The following DCHS2 variants were observed in gnomAD, a reference collection of about 807,000 sequenced individuals.
DCHS2 encodes the protein protocadherin-23.
Under a neutral mutation model 182.4 loss-of-function variants are expected in DCHS2, and 142 were observed. The ratio of observed to expected loss-of-function variants is 0.78; its 90% confidence interval spans 0.68 to 0.89. DCHS2 has a LOEUF of 0.89. DCHS2 is among the 40% of genes least tolerant of loss of function. The probability of loss-of-function intolerance (pLI) is 0.00; values close to 1 mark genes in which losing one functional copy is unlikely to be tolerated. For missense variants in DCHS2, 4,319 were observed against 4,198.6 expected (o/e 1.03, Z -0.79); for synonymous variants, 1,740 against 1,663.3 (o/e 1.05, Z -1.12).
chr4:154,427,868 A>G (rs1733395622), intron 1 of DCHS2, among the ~76,000 whole-genome samples: 1 of 152,248 alleles, frequency 6.6e-6, no homozygotes, highest in South Asian at 2.1e-4. Flanking sequence ...TTTGTCACAT[A>G]GGAATGTTGT....
intron 10 of DCHS2, among the ~76,000 whole-genome samples, chr4:154,309,413 C>T (rs1233693314): frequency 6.6e-6 from 1 of 152,186 alleles, no homozygotes; most frequent in Non-Finnish European, 1.5e-5. Context: ...CAATGCTATT[C>T]AGTCTGTTTT....
Position 154,490,474 on chromosome 4 carries a change from C to G in DCHS2, c.882G>C (p.Pro294=), listed in dbSNP as rs775133855. ...LRVLDENDNP[P]VFEQDEYRAA... ...CGCGGTACTCGTCCTGCTCAAAGACCGGCGGGTTGTCGTTCTCATCCAGCA... is the reference window on the plus strand; with the variant it reads ...CGCGGTACTCGTCCTGCTCAAAGACGGGCGGGTTGTCGTTCTCATCCAGCA... The change falls in exon 1 of 20, where the codon CCG becomes CCC. Residue 294 remains proline (P), a synonymous_variant. Transcript: ENST00000357232. 11 of 1,536,704 alleles carry G rather than the reference C, an allele frequency of 7.2e-6. No homozygotes were observed. Among genetic ancestry groups the G allele is most frequent in the African/African-American group, 1.4e-5 (1 of 73,152 alleles).
chr4:154,392,366 G>C (rs1223400426), intron 1 of DCHS2, among the ~76,000 whole-genome samples: 2 of 152,168 alleles, frequency 1.3e-5, no homozygotes, highest in Admixed American at 6.6e-5. Context: ...GTGGAAGGAT[G>C]CATTCCCAGA....
intron 16 of DCHS2, among the ~76,000 whole-genome samples, chr4:154,249,726 A>T (rs1732260987): frequency 6.6e-6 from 1 of 152,172 alleles, no homozygotes; most frequent in Non-Finnish European, 1.5e-5. Flanking sequence ...AAAAGAATAA[A>T]ATCATGTCTT....
At chr4:154,470,582 A>G (rs1735422324) in intron 1 of DCHS2, among the ~76,000 whole-genome samples, 1 of 152,172 alleles carries the variant, frequency 6.6e-6, no homozygotes, top group Non-Finnish European at 1.5e-5. Flanking sequence ...TTAGACTTCA[A>G]TGGCTTATAC....
intron 1 of DCHS2, among the ~76,000 whole-genome samples, chr4:154,476,520 T>C (rs1163308398): frequency 6.6e-6 from 1 of 152,256 alleles, no homozygotes; most frequent in African/African-American, 2.4e-5. Context: ...AGATTATAGA[T>C]AGACTTCACT....
chr4:154,276,359 TA>T (rs1467253726), intron 13 of DCHS2, among the ~76,000 whole-genome samples: 1 of 152,176 alleles, frequency 6.6e-6, no homozygotes, highest in Non-Finnish European at 1.5e-5. Flanking sequence ...AAAATAGAGT[TA>T]AAAAACTCTG....
At chr4:154,326,097 C>T (rs929591265) in intron 7 of DCHS2, among the ~76,000 whole-genome samples, 2 of 152,186 alleles carry the variant, frequency 1.3e-5, no homozygotes, top group African/African-American at 4.8e-5. Context: ...ATATAGAGTT[C>T]CTCTAGGGTA....
At chr4:154,289,935 C>G (rs2111257459) in intron 13 of DCHS2, among the ~76,000 whole-genome samples, 1 of 151,954 alleles carries the variant, frequency 6.6e-6, no homozygotes, top group South Asian at 2.1e-4. Context: ...CATACCTCAG[C>G]AAAACAGAGC....
At chr4:154,286,011 C>A (rs78347512) in intron 13 of DCHS2, among the ~76,000 whole-genome samples, 1,904 of 152,204 alleles carry the variant, frequency 0.013, 45 homozygotes, top group African/African-American at 0.043. Context: ...CAGCTTCAGG[C>A]AGCTCAGCAC....
rs1437149824 is a variant in DCHS2 at position 154,333,172 on chromosome 4, T to C, written c.3036A>G (p.Gly1012=). 2.5e-6 allele frequency: 4 copies of C among 1,614,076 alleles called. No homozygotes were observed. Among genetic ancestry groups the C allele is most frequent in the South Asian group, 2.2e-5 (2 of 91,076 alleles). ...GGCTGGCGATGGAGTACCGGATGAG[T>C]CCGTTCCGCCCACTGTCTCTGTCTT... ...RAEDRDSGRN[G]LIRYSIASPQ... is the part of the protein sequence containing the mutation. The change falls in exon 5 of 20, where the codon GGA becomes GGG. Residue 1012 remains glycine (G), a synonymous_variant. Coordinates refer to ENST00000357232, the MANE Select transcript of DCHS2 (RefSeq NM_001358235.2).
chr4:154,395,314 C>G (rs1390064908), intron 1 of DCHS2, among the ~76,000 whole-genome samples: 1 of 152,210 alleles, frequency 6.6e-6, no homozygotes, highest in Admixed American at 6.5e-5. Flanking sequence ...TTCTGCCAAC[C>G]TAGCATGCAG....
intron 1 of DCHS2, among the ~76,000 whole-genome samples, chr4:154,486,768 A>G (rs1339045444): frequency 6.6e-6 from 1 of 152,224 alleles, no homozygotes; most frequent in Non-Finnish European, 1.5e-5. Context: ...GAACACAGAA[A>G]GTTCACATAG....
At chr4:154,389,134 T>G (rs529091658) in intron 1 of DCHS2, among the ~76,000 whole-genome samples, 2 of 152,330 alleles carry the variant, frequency 1.3e-5, no homozygotes, top group Admixed American at 1.3e-4. Context: ...ATGGCTGTGT[T>G]CCAGTAGAAT....
At chr4:154,255,742 A>G in intron 15 of DCHS2, 72 bp from the exon 16 acceptor site, 1 of 1,465,830 alleles carries the variant, frequency 6.8e-7, no homozygotes, top group East Asian at 2.5e-5. Context: ...TTTCAGAGAC[A>G]TGCATTAAGA....
chr4:154,384,121 G>A (rs912658335), intron 1 of DCHS2, among the ~76,000 whole-genome samples: 1 of 152,106 alleles, frequency 6.6e-6, no homozygotes, highest in Non-Finnish European at 1.5e-5. Flanking sequence ...AGCTGAAATA[G>A]GACTATAATA....
chr4:154,315,690 T>C (rs1323283622), intron 10 of DCHS2, 58 bp downstream of exon 10: 22 of 1,577,354 alleles, frequency 1.4e-5, no homozygotes, highest in Non-Finnish European at 1.7e-5. Flanking sequence ...ATTACGTCAA[T>C]TATAATCTTC....
intron 1 of DCHS2, among the ~76,000 whole-genome samples, chr4:154,394,293 T>C (rs10011329): frequency 0.9 from 136,632 of 152,244 alleles, 62,944 homozygotes; most frequent in East Asian, 1. Context: ...TCATACAGAA[T>C]TGAAATGTCA....
At chr4:154,312,698 A>G (rs926538779) in intron 10 of DCHS2, among the ~76,000 whole-genome samples, 4 of 152,226 alleles carry the variant, frequency 2.6e-5, no homozygotes, top group African/African-American at 7.2e-5. Context: ...AATAAACTGA[A>G]TAGCCAGATA....
Sources: allele counts gnomAD v4.1 joint callset (sites outside exome capture counted in the v4.1 genomes callset), GRCh38; gene constraint gnomAD v4.1.1; transcripts MANE v1.5; gene names NCBI Gene and HGNC (gene_info 2026-07-23, HGNC 2026-07-21).